Variants in PCDH11Y observed in about 807,000 individuals in gnomAD.
PCDH11Y encodes protocadherin-11 Y-linked.
For synonymous variants in PCDH11Y, 9 were observed against 83.6 expected (o/e 0.11, Z 4.87); for missense variants, 12 against 224.8 (o/e 0.05, Z 6.05).
At chrY:5,080,762 T>C (rs2124632005) in intron 1 of PCDH11Y, among the ~76,000 whole-genome samples, 1 of 31,077 alleles carries the variant, frequency 3.2e-5, no homozygotes, top group Admixed American at 3.0e-4. Context: ...ATAGATTCTG[T>C]ATATGAGACC....
intron 4 of PCDH11Y, among the ~76,000 whole-genome samples, chrY:5,708,736 G>T: frequency 9.0e-5 from 3 of 33,273 alleles, no homozygotes; most frequent in Non-Finnish European, 2.2e-4. Flanking sequence ...TCTAAAAATT[G>T]TTATCAGTGA....
intron 3 of PCDH11Y, among the ~76,000 whole-genome samples, chrY:5,511,937 G>A: frequency 6.2e-5 from 2 of 32,176 alleles, no homozygotes; most frequent in African/African-American, 2.4e-4. Flanking sequence ...GGTTATTAAA[G>A]TATATAAGAC....
At chrY:5,265,918 CTGTAT>C (rs2053024981) in intron 2 of PCDH11Y, among the ~76,000 whole-genome samples, 1 of 32,757 alleles carries the variant, frequency 3.1e-5, no homozygotes, top group African/African-American at 1.2e-4. Context: ...CTATACTGTT[CTGTAT>C]TGTATTGTTC....
At chrY:5,237,728 G>A (rs1602890856) in intron 2 of PCDH11Y, among the ~76,000 whole-genome samples, 4 of 32,721 alleles carry the variant, frequency 1.2e-4, no homozygotes, top group African/African-American at 4.8e-4. Flanking sequence ...GCAAAGTCTC[G>A]GGATACAAAA....
chrY:5,560,173 A>G, intron 3 of PCDH11Y, among the ~76,000 whole-genome samples: 1 of 33,117 alleles, frequency 3.0e-5, no homozygotes, highest in Non-Finnish European at 7.4e-5. Context: ...GGAATTTTGA[A>G]CTTGAGAGAG....
intron 3 of PCDH11Y, among the ~76,000 whole-genome samples, chrY:5,515,522 C>A: frequency 3.0e-5 from 1 of 33,265 alleles, no homozygotes; most frequent in Non-Finnish European, 7.4e-5. Context: ...AGATTCAATT[C>A]TATTCCTATC....
At chrY:5,140,703 G>T in intron 2 of PCDH11Y, among the ~76,000 whole-genome samples, 5 of 31,151 alleles carry the variant, frequency 1.6e-4, no homozygotes. Context: ...ACATTGCTAT[G>T]AGGATATTTA....
intron 1 of PCDH11Y, among the ~76,000 whole-genome samples, chrY:5,067,527 A>G (rs2052688866): frequency 3.0e-5 from 1 of 33,298 alleles, no homozygotes; most frequent in Admixed American, 2.8e-4. Flanking sequence ...CAAAATAGTG[A>G]CTGGCCTTAT....
At chrY:5,104,427 A>G, downstream of PCDH11Y, 1 of 385,035 alleles carries the variant, frequency 2.6e-6, no homozygotes, top group Non-Finnish European at 3.6e-6. Flanking sequence ...CCTTCCAAAA[A>G]ATTTCAATGA....
intron 3 of PCDH11Y, among the ~76,000 whole-genome samples, chrY:5,519,750 TG>T: frequency 3.4e-5 from 1 of 29,686 alleles, no homozygotes; most frequent in Non-Finnish European, 8.0e-5. Flanking sequence ...CTAGTCTATC[TG>T]TCATGGAAAC....
At chrY:5,073,462 G>T (rs2052703607) in intron 1 of PCDH11Y, among the ~76,000 whole-genome samples, 3 of 28,427 alleles carry the variant, frequency 1.1e-4, no homozygotes, top group Non-Finnish European at 2.5e-4. Flanking sequence ...TTGAGACGGA[G>T]TTTCACTCTT....
chrY:5,008,024 T>G, intron 1 of PCDH11Y, among the ~76,000 whole-genome samples: 1 of 30,746 alleles, frequency 3.3e-5, no homozygotes, highest in Admixed American at 3.0e-4. Flanking sequence ...CTTTTTGCAC[T>G]AAGCTTTGTA....
chrY:5,140,645 C>T (rs2563515), intron 2 of PCDH11Y, among the ~76,000 whole-genome samples: 1 of 31,559 alleles, frequency 3.2e-5, no homozygotes, highest in African/African-American at 1.2e-4. Context: ...TAGACTAAGA[C>T]GTTGTTGATT....
chrY:5,477,468 T>C, intron 2 of PCDH11Y, among the ~76,000 whole-genome samples: 4 of 32,699 alleles, frequency 1.2e-4, no homozygotes, highest in Admixed American at 1.1e-3. Flanking sequence ...GGCCTGACAC[T>C]TTCTTTTTTT....
chrY:5,226,522 C>A, intron 2 of PCDH11Y, among the ~76,000 whole-genome samples: 1 of 24,058 alleles, frequency 4.2e-5, no homozygotes, highest in Non-Finnish European at 9.5e-5. Flanking sequence ...TTTGCCCAGA[C>A]CAATATCCTG....
At chrY:5,148,275 A>G in intron 2 of PCDH11Y, among the ~76,000 whole-genome samples, 1 of 33,049 alleles carries the variant, frequency 3.0e-5, no homozygotes, top group Non-Finnish European at 7.5e-5. Context: ...TAGCTGGTTT[A>G]AGCACATTTC....
chrY:5,200,593 G>A (rs2124649782), intron 2 of PCDH11Y, among the ~76,000 whole-genome samples: 1 of 32,718 alleles, frequency 3.1e-5, no homozygotes, highest in Admixed American at 2.8e-4. Flanking sequence ...TTTTCTTTTC[G>A]TTGTTGTTTT....
At chrY:5,205,564 AAT>A (rs1366181675) in intron 2 of PCDH11Y, among the ~76,000 whole-genome samples, 3 of 22,618 alleles carry the variant, frequency 1.3e-4, no homozygotes, top group South Asian at 9.8e-4. Context: ...ATATACACTG[AAT>A]ATATATATAT....
At chrY:5,260,982 T>C in intron 2 of PCDH11Y, among the ~76,000 whole-genome samples, 1 of 32,035 alleles carries the variant, frequency 3.1e-5, no homozygotes, top group Non-Finnish European at 7.6e-5. Flanking sequence ...TTTCCTGCAC[T>C]GTTCTCATGA....
Sources: allele counts gnomAD v4.1 joint callset (sites outside exome capture counted in the v4.1 genomes callset), GRCh38; gene constraint gnomAD v4.1.1; transcripts MANE v1.5; gene names NCBI Gene and HGNC (gene_info 2026-07-23, HGNC 2026-07-21).